The following LAMA2 variants were observed in gnomAD, a reference collection of about 807,000 sequenced individuals.
The protein encoded by LAMA2 is laminin subunit alpha 2, also known as laminin subunit alpha-2.
A neutral mutation model predicts 364.8 loss-of-function variants in LAMA2; 269 were observed. The ratio of observed to expected loss-of-function variants is 0.74; its 90% CI spans 0.67 to 0.82. The LOEUF is 0.82. Ranked by LOEUF, LAMA2 falls within the 40% of genes least tolerant of loss-of-function variation. The pLI, the probability that LAMA2 is intolerant of heterozygous loss-of-function variation, is 0.00. For synonymous variants in LAMA2, 1,379 were observed against 1,370.6 expected, an observed-to-expected ratio of 1.01 and a Z score of -0.14; for missense variants, 3,807 against 3,873.2, an observed-to-expected ratio of 0.98 and a Z score of 0.45.
chr6:129,059,738 T>C, intron 2 of LAMA2, 46 bp from the exon 3 acceptor site: 1 of 1,179,038 alleles, frequency 8.5e-7, no homozygotes, highest in East Asian at 2.3e-5. Flanking sequence ...AAACTAGTTA[T>C]ATGATCTTTT....
chr6:129,326,296 G>A (rs942766532), intron 28 of LAMA2, among the ~76,000 whole-genome samples: 1 of 152,100 alleles, frequency 6.6e-6, no homozygotes, highest in Non-Finnish European at 1.5e-5. Context: ...ACCTCCTCTA[G>A]GGCTGGACCG....
At chr6:129,130,203 A>G (rs566340904) in intron 4 of LAMA2, among the ~76,000 whole-genome samples, 2 of 152,342 alleles carry the variant, frequency 1.3e-5, no homozygotes, top group Admixed American at 1.3e-4. Context: ...ACCCCACCAC[A>G]TACTAGCACT....
At chr6:129,397,038 G>C (rs913231264) in intron 37 of LAMA2, among the ~76,000 whole-genome samples, 3 of 150,696 alleles carry the variant, frequency 2.0e-5, no homozygotes, top group African/African-American at 7.3e-5. Context: ...ATAATAGACA[G>C]GAAGATAGCT....
At chr6:129,469,155 G>A (rs1015178059) in intron 51 of LAMA2, among the ~76,000 whole-genome samples, 1 of 151,942 alleles carries the variant, frequency 6.6e-6, no homozygotes, top group Non-Finnish European at 1.5e-5. Context: ...TGTTTAAACT[G>A]TGTTGAGGAG....
chr6:129,307,173 A>G (rs1158686268), intron 22 of LAMA2, among the ~76,000 whole-genome samples: 1 of 152,226 alleles, frequency 6.6e-6, no homozygotes, highest in African/African-American at 2.4e-5. Flanking sequence ...GTGCAGCAGA[A>G]CAGTCTGAAA....
intron 1 of LAMA2, among the ~76,000 whole-genome samples, chr6:128,913,938 A>G (rs377059340): frequency 2.0e-5 from 3 of 152,132 alleles, no homozygotes; most frequent in South Asian, 2.1e-4. Flanking sequence ...AAATTCAGCT[A>G]TCCTCTTCTG....
At chr6:128,971,714 C>T (rs570152844) in intron 1 of LAMA2, among the ~76,000 whole-genome samples, 309 of 152,256 alleles carry the variant, frequency 2.0e-3, no homozygotes, top group African/African-American at 7.0e-3. Context: ...GATGTGATCT[C>T]TAAAGTTGAG....
At chr6:128,895,199 C>T (rs530421114) in intron 1 of LAMA2, among the ~76,000 whole-genome samples, 1 of 152,168 alleles carries the variant, frequency 6.6e-6, no homozygotes, top group Non-Finnish European at 1.5e-5. Flanking sequence ...GTGTTAAAAC[C>T]AGCCAGACAT....
At chr6:129,310,870 A>G (rs917543013) in intron 22 of LAMA2, among the ~76,000 whole-genome samples, 5 of 152,150 alleles carry the variant, frequency 3.3e-5, no homozygotes, top group African/African-American at 1.2e-4. Context: ...TGGATGGTCA[A>G]ACAAAACCAA....
At chr6:129,324,692 G>A (rs980819185) in intron 28 of LAMA2, among the ~76,000 whole-genome samples, 3 of 152,174 alleles carry the variant, frequency 2.0e-5, no homozygotes, top group South Asian at 2.1e-4. Flanking sequence ...TGCACAGCAT[G>A]TTATTGGTAC....
chr6:129,270,912 T>C (rs1787889353), intron 17 of LAMA2, among the ~76,000 whole-genome samples, 161 bp downstream of exon 17: 1 of 152,150 alleles, frequency 6.6e-6, no homozygotes, highest in African/African-American at 2.4e-5. Flanking sequence ...ACCTAAGATA[T>C]TTAAAACTAT....
intron 38 of LAMA2, 43 bp from the exon 39 acceptor site, chr6:129,402,281 C>T: frequency 6.6e-7 from 1 of 1,508,636 alleles, no homozygotes; most frequent in Non-Finnish European, 9.2e-7. Context: ...AGAGAGGAGG[C>T]TTGAATTCAC....
At chr6:129,241,283 C>T (rs1785381725) in intron 12 of LAMA2, among the ~76,000 whole-genome samples, 1 of 152,212 alleles carries the variant, frequency 6.6e-6, no homozygotes, top group African/African-American at 2.4e-5. Context: ...AACATTAAGA[C>T]GTGAATAAAA....
chr6:129,340,766 G>A (rs1368784804), intron 29 of LAMA2, among the ~76,000 whole-genome samples: 2 of 148,534 alleles, frequency 1.3e-5, no homozygotes, highest in Non-Finnish European at 3.0e-5. Flanking sequence ...TATTCAGGAG[G>A]CAGAGGTTGC....
At chr6:128,940,762 G>A (rs1228613234) in intron 1 of LAMA2, among the ~76,000 whole-genome samples, 1 of 152,030 alleles carries the variant, frequency 6.6e-6, no homozygotes, top group Non-Finnish European at 1.5e-5. Context: ...GGCCAGCCTG[G>A]GTAGCACAAT....
intron 1 of LAMA2, among the ~76,000 whole-genome samples, chr6:128,901,717 T>C (rs984283538): frequency 2.6e-5 from 4 of 152,246 alleles, no homozygotes; most frequent in Non-Finnish European, 4.4e-5. Context: ...CTCTGACAGT[T>C]ATATTAGCTA....
At chr6:129,484,915 G>A (rs1583859647) in intron 55 of LAMA2, among the ~76,000 whole-genome samples, 1 of 152,050 alleles carries the variant, frequency 6.6e-6, no homozygotes, top group South Asian at 2.1e-4. Context: ...CAGTGTTAAC[G>A]CAGCTTCATC....
intron 4 of LAMA2, among the ~76,000 whole-genome samples, chr6:129,101,100 A>G (rs1361651566): frequency 6.6e-6 from 1 of 152,210 alleles, no homozygotes; most frequent in Non-Finnish European, 1.5e-5. Context: ...CAGAGAAGTG[A>G]CAGTCAAATA....
chr6:128,975,549 T>C (rs1003954851), intron 1 of LAMA2, among the ~76,000 whole-genome samples: 1 of 152,202 alleles, frequency 6.6e-6, no homozygotes, highest in African/African-American at 2.4e-5. Flanking sequence ...AGTTTGGCTG[T>C]GTCTCCACCC....
Sources: gnomAD v4.1 joint callset for allele counts (sites outside exome capture counted in the v4.1 genomes callset) on GRCh38, gnomAD v4.1.1 for gene constraint, MANE v1.5 for transcripts, NCBI Gene and HGNC (gene_info 2026-07-23, HGNC 2026-07-21) for gene names.